Variants in ATP8A2 observed in about 807,000 individuals in gnomAD.
The protein encoded by ATP8A2 is phospholipid-transporting ATPase IB.
In ATP8A2, 100 loss-of-function variants were observed where a neutral mutation model predicts 165.6. The observed-to-expected ratio is 0.60, with a 90% confidence interval of 0.51 to 0.71. The LOEUF (loss-of-function observed/expected upper bound fraction) is 0.71, where lower values mean the gene tolerates loss of function less well. Ranked by LOEUF, ATP8A2 falls within the 30% of genes least tolerant of loss-of-function variation. The pLI is 0.00. For synonymous variants in ATP8A2, 543 were observed against 548.8 expected (o/e 0.99, Z 0.15); for missense variants, 1,227 against 1,479.5 (o/e 0.83, Z 2.80).
At chr13:25,484,766 C>T (rs1255600010) in intron 2 of ATP8A2, among the ~76,000 whole-genome samples, 1 of 152,172 alleles carries the variant, frequency 6.6e-6, no homozygotes, top group Non-Finnish European at 1.5e-5. Flanking sequence ...ATCCGCCTGC[C>T]TCAGCCTCCC....
At chr13:25,767,349 C>T (rs1005254898) in intron 25 of ATP8A2, among the ~76,000 whole-genome samples, 1 of 152,214 alleles carries the variant, frequency 6.6e-6, no homozygotes, top group Non-Finnish European at 1.5e-5. Context: ...AATCTGGCAT[C>T]TGCTACAAGG....
At chr13:25,429,110 G>A (rs879401495) in intron 1 of ATP8A2, among the ~76,000 whole-genome samples, 4 of 152,086 alleles carry the variant, frequency 2.6e-5, no homozygotes, top group Non-Finnish European at 4.4e-5. Context: ...GCTCATGCCT[G>A]TAATCCCAGC....
chr13:25,560,891 CT>C (rs770147927), intron 15 of ATP8A2, among the ~76,000 whole-genome samples: 252 of 139,668 alleles, frequency 1.8e-3, no homozygotes, highest in East Asian at 4.7e-3. Context: ...ACATTTTTTC[CT>C]TTTTTTTTTT....
chr13:25,563,485 G>C (rs1315853095), intron 15 of ATP8A2, among the ~76,000 whole-genome samples: 1 of 152,072 alleles, frequency 6.6e-6, no homozygotes, highest in Admixed American at 6.5e-5. Flanking sequence ...CAATGTGATA[G>C]CTCACAGCCA....
chr13:25,633,746 TG>T (rs2137528494), intron 24 of ATP8A2, among the ~76,000 whole-genome samples: 1 of 152,172 alleles, frequency 6.6e-6, no homozygotes, highest in African/African-American at 2.4e-5. Context: ...GAGTCTGAGG[TG>T]GGTGGATCAC....
At chr13:25,486,805 A>G (rs2036368164) in intron 2 of ATP8A2, among the ~76,000 whole-genome samples, 1 of 152,110 alleles carries the variant, frequency 6.6e-6, no homozygotes, top group Non-Finnish European at 1.5e-5. Flanking sequence ...ATCTCTATCA[A>G]AAGTACAAAA....
chr13:25,725,839 A>G (rs1014672210), intron 25 of ATP8A2, among the ~76,000 whole-genome samples: 3 of 152,206 alleles, frequency 2.0e-5, no homozygotes, highest in African/African-American at 7.2e-5. Context: ...TCAGTCTGAT[A>G]GCTAGATGTC....
chr13:25,469,393 C>T (rs974173597), intron 2 of ATP8A2, among the ~76,000 whole-genome samples: 2 of 152,250 alleles, frequency 1.3e-5, no homozygotes, highest in African/African-American at 4.8e-5. Context: ...TCTAATGTCA[C>T]CGACAAAAAC....
intron 30 of ATP8A2, among the ~76,000 whole-genome samples, chr13:25,849,209 C>T (rs1951948697): frequency 6.6e-6 from 1 of 152,140 alleles, no homozygotes; most frequent in Admixed American, 6.6e-5. Flanking sequence ...CCCTCCTGAG[C>T]CCTGCATGAG....
intron 33 of ATP8A2, chr13:25,881,069 A>C: frequency 3.5e-6 from 1 of 285,200 alleles, no homozygotes; most frequent in South Asian, 2.9e-5. Flanking sequence ...GTATCCAGGA[A>C]GAACAAAATT....
chr13:25,818,291 T>C (rs1459283986), intron 27 of ATP8A2, among the ~76,000 whole-genome samples: 1 of 152,216 alleles, frequency 6.6e-6, no homozygotes, highest in South Asian at 2.1e-4. Flanking sequence ...AATTCATAAA[T>C]TTTTTGGTGT....
chr13:25,415,484 C>A (rs1348542183), intron 1 of ATP8A2, among the ~76,000 whole-genome samples: 1 of 152,178 alleles, frequency 6.6e-6, no homozygotes, highest in Non-Finnish European at 1.5e-5. Context: ...GCAGATTGAG[C>A]CTTTGAAGAT....
At chr13:25,752,453 G>T (rs2765752) in intron 25 of ATP8A2, among the ~76,000 whole-genome samples, 1 of 151,962 alleles carries the variant, frequency 6.6e-6, no homozygotes, top group Non-Finnish European at 1.5e-5. Flanking sequence ...GTGAGACTCT[G>T]AAAAAAAAGA....
At chr13:25,922,246 CTTCTAAAG>C (rs1284908853) in intron 33 of ATP8A2, among the ~76,000 whole-genome samples, 2 of 152,166 alleles carry the variant, frequency 1.3e-5, no homozygotes, top group Admixed American at 1.3e-4. Flanking sequence ...AAGAGTTTTT[CTTCTAAAG>C]TAACATACAG....
intron 32 of ATP8A2, among the ~76,000 whole-genome samples, chr13:25,861,452 G>A (rs537574314): frequency 3.9e-5 from 6 of 152,272 alleles, no homozygotes; most frequent in Non-Finnish European, 1.5e-5. Flanking sequence ...TAGACATTTT[G>A]GTTATTTCCA....
At chr13:25,976,350 G>C (rs117363769) in intron 35 of ATP8A2, among the ~76,000 whole-genome samples, 2 of 152,084 alleles carry the variant, frequency 1.3e-5, no homozygotes, top group Admixed American at 1.3e-4. Flanking sequence ...AAGGCGATGA[G>C]GCCTCAGAGA....
intron 2 of ATP8A2, among the ~76,000 whole-genome samples, chr13:25,478,934 G>A (rs1429906034): frequency 2.0e-5 from 3 of 151,688 alleles, no homozygotes; most frequent in Admixed American, 2.0e-4. Context: ...TGCAACCTCC[G>A]CCTCCTGGGT....
At chr13:25,809,019 CTG>C (rs1197764702) in intron 27 of ATP8A2, among the ~76,000 whole-genome samples, 1 of 152,178 alleles carries the variant, frequency 6.6e-6, no homozygotes, top group African/African-American at 2.4e-5. Flanking sequence ...TTTTTGCAAA[CTG>C]TGCTGTTGAA....
At chr13:25,400,034 C>T (rs1017484474) in intron 1 of ATP8A2, among the ~76,000 whole-genome samples, 3 of 25,148 alleles carry the variant, frequency 1.2e-4, no homozygotes, top group Non-Finnish European at 2.9e-4. Flanking sequence ...GCCATCCTCC[C>T]ACCTCAGCCT....
Sources: gnomAD v4.1 joint callset for allele counts (sites outside exome capture counted in the v4.1 genomes callset) on GRCh38, gnomAD v4.1.1 for gene constraint, MANE v1.5 for transcripts, NCBI Gene and HGNC (gene_info 2026-07-23, HGNC 2026-07-21) for gene names.